The following TTN variants were observed in gnomAD, a reference collection of about 807,000 sequenced individuals.
The protein encoded by TTN is titin.
A neutral mutation model predicts 3,223.0 loss-of-function variants in TTN; 1,525 were observed. The ratio of observed to expected loss-of-function variants is 0.47; its 90% CI spans 0.45 to 0.49. The LOEUF (loss-of-function observed/expected upper bound fraction) is 0.49. Ranked by LOEUF, TTN falls within the 20% of genes least tolerant of loss-of-function variation. The probability of loss-of-function intolerance (pLI) is 0.00; values close to 1 mark genes in which losing one functional copy is unlikely to be tolerated. For missense variants in TTN, 40,786 were observed against 43,424.0 expected (o/e 0.94, Z 5.40); for synonymous variants, 14,094 against 15,161.0 (o/e 0.93, Z 5.17).
At chr2:178,799,423 C>A (rs1159492748) in intron 6 of TTN, 64 bp downstream of exon 6, 3 of 1,611,606 alleles carry the variant, frequency 1.9e-6, no homozygotes, top group African/African-American at 1.3e-5. Context: ...ACAAGGGAAT[C>A]TTTCTCGTTT....
At position 178,709,693 on chromosome 2, in the gene TTN, T is replaced by A. The variant is rs2154294417; in HGVS notation, c.28626A>T (p.Ile9542=). 1.9e-6 allele frequency: 3 copies of A among 1,613,948 alleles called. No homozygotes were observed. The highest frequency in any genetic ancestry group is 1.7e-6 in the Non-Finnish European group (2 of 1,179,838). The change falls in exon 99 of 363, where the codon ATA becomes ATT. Residue 9542 remains isoleucine, a synonymous_variant. Transcript: ENST00000589042. ...GCACTAACGTGTTGTTCTTGAATGT[T>A]ATTTCACAGTTAGAAGTTGGTTGTA... ...IEIQPTSNCE[I]TFKNNTLVLQ... is the part of the protein sequence containing the mutation.
chr2:178,671,895 T>C lies in TTN; in HGVS notation c.35227+76A>G, dbSNP rs568290104. 3.6e-4 allele frequency: 542 copies of C among 1,509,022 alleles called. 12 individuals are homozygous for C. The South Asian group carries it at 5.8e-3, about 16-fold the overall frequency. The allele number at this position is 1,509,022 out of a possible 1,614,324, so 93.5% of individuals were successfully genotyped here. A position where few individuals can be genotyped will look rare whatever the true frequency, so the allele number is the denominator to read the frequency against. Reference sequence around the variant, plus strand: ...TCATGGGGTTTCTAATCTTCCAAACTGAACACAAAATTTACTTTCAAAGGA... The same window carrying C: ...TCATGGGGTTTCTAATCTTCCAAACCGAACACAAAATTTACTTTCAAAGGA... On this transcript the variant is annotated intron_variant, in intron 155 of 362. Coordinates refer to ENST00000589042, the MANE Select transcript of TTN (RefSeq NM_001267550.2).
Position 178,528,287 on chromosome 2 carries a change from G to A in TTN, c.107364C>T (p.Ser35788=), listed in dbSNP as rs1057521273. ...NFRGQCSATA[S]LMVLPLVEEP... is the part of the protein sequence containing the mutation. ...GGAGATACTTACGAAGGACCATTAA[G>A]GAAGCTGTAGCTGAACACTGGCCAC... The change falls in exon 361 of 363, where the codon TCC becomes TCT. Residue 35788 remains serine (S), a synonymous_variant. Coordinates refer to ENST00000589042, the MANE Select transcript of TTN (RefSeq NM_001267550.2). 26 of 1,613,688 alleles carry A rather than the reference G, an allele frequency of 1.6e-5. No homozygotes were observed. In the Admixed American group the frequency reaches 4.2e-4, roughly 26 times the overall value.
rs1576125620 is a variant in TTN at position 178,592,587 on chromosome 2, A to G, written c.59418T>C (p.Leu19806=). The part of the protein sequence containing the change: ...QHIKVGDTLR[L]SAIIKGVPFP... ...ATGGCACTCCTTTGATGATGGCACTAAGTCTTAGAGTATCACCAACTTTAA... is the reference window on the plus strand; with the variant it reads ...ATGGCACTCCTTTGATGATGGCACTGAGTCTTAGAGTATCACCAACTTTAA... The change falls in exon 301 of 363, where the codon CTT becomes CTC. Residue 19806 remains leucine, a synonymous_variant. Coordinates refer to ENST00000589042, the MANE Select transcript of TTN (RefSeq NM_001267550.2). 1 of 1,613,408 alleles carries G rather than the reference A, an allele frequency of 6.2e-7. No individual in the cohort carries two copies. Among genetic ancestry groups the G allele is most frequent in the South Asian group, 1.1e-5 (1 of 91,072 alleles).
chr2:178,648,440 C>G (rs1290050337), intron 213 of TTN, among the ~76,000 whole-genome samples: 2 of 151,956 alleles, frequency 1.3e-5, no homozygotes, highest in East Asian at 3.9e-4. Context: ...GACAGAGGCT[C>G]ACTCTGTCAC....
chr2:178,735,633 A>C lies in TTN; in HGVS notation c.14813T>G (p.Phe4938Cys). 2 of 1,613,722 alleles carry C rather than the reference A, an allele frequency of 1.2e-6. No homozygotes were observed. The highest frequency in any genetic ancestry group is 1.7e-6 in the Non-Finnish European group (2 of 1,179,792). ...CTCAAGTGTTGCTATTTTATCTTCA[A>C]AACAGATCTTATAATCTTTCCCTGG... Reference protein sequence around the residue: ...LPPGKDYKICFEDKIATLEIP... With the variant: ...LPPGKDYKICCEDKIATLEIP... Residue 4938 changes from phenylalanine (F) to cysteine (C), a missense_variant, in exon 50 of 363, where the codon TTT (phenylalanine) becomes TGT (cysteine). Coordinates refer to ENST00000589042, the MANE Select transcript of TTN (RefSeq NM_001267550.2).
At chr2:178,784,921 C>T (rs576743288) in intron 15 of TTN, among the ~76,000 whole-genome samples, 4 of 152,262 alleles carry the variant, frequency 2.6e-5, no homozygotes, top group Admixed American at 6.5e-5. Context: ...TTATATGTAA[C>T]TTACAGTTCT....
Position 178,675,958 on chromosome 2 carries a change from C to T in TTN, c.34416G>A (p.Val11472=), listed in dbSNP as rs754009879. 2 of 1,607,560 alleles carry T rather than the reference C, an allele frequency of 1.2e-6. No homozygotes were observed. Among genetic ancestry groups the T allele is most frequent in the African/African-American group, 2.7e-5 (2 of 74,838 alleles). Residue 11472 remains valine (V), a synonymous_variant, in exon 148 of 363, where the codon GTG becomes GTA. Transcript: ENST00000589042. ...GAGCCTCCTCTTTCTTGGGAATGAC[C>T]ACTTTCTTCTCTGTCACTTTCTTCT... is the stretch of plus-strand genomic sequence containing the variant. ...EIKKKVTEKK[V]VIPKKEEAPP...
At position 178,569,733 on chromosome 2, in the gene TTN, C is replaced by T. The variant is rs758729188; in HGVS notation, c.76399G>A (p.Glu25467Lys). The change falls in exon 326 of 363, where the codon GAA (glutamate) becomes AAA (lysine). Residue 25467 changes from glutamate to lysine, a missense_variant. Coordinates refer to ENST00000589042, the MANE Select transcript of TTN (RefSeq NM_001267550.2). Reference protein sequence around the residue: ...PPTGINKTNIEVEKLLEKHEY... With the variant: ...PPTGINKTNIKVEKLLEKHEY... ...TGCTTTTCCAACAGCTTCTCTACTTCTATGTTTGTTTTATTAATTCCTGTT... is the reference window on the plus strand; with the variant it reads ...TGCTTTTCCAACAGCTTCTCTACTTTTATGTTTGTTTTATTAATTCCTGTT... 5.0e-6 allele frequency: 8 copies of T among 1,613,200 alleles called. No individual in the cohort carries two copies. In the South Asian group the frequency reaches 7.7e-5, roughly 16 times the overall value.
At position 178,552,787 on chromosome 2, in the gene TTN, G is replaced by A. The variant is rs1035231480; in HGVS notation, c.90113C>T (p.Ser30038Leu). 1.9e-6 allele frequency: 3 copies of A among 1,613,884 alleles called. No homozygotes were observed. The highest frequency in any genetic ancestry group is 2.5e-6 in the Non-Finnish European group (3 of 1,179,824). Residue 30038 changes from serine (S) to leucine (L), a missense_variant, in exon 335 of 363, where the codon TCA becomes TTA. Coordinates refer to ENST00000589042, the MANE Select transcript of TTN (RefSeq NM_001267550.2). ...AEVPAPIRDL[S>L]MKDSTKTSVI... ...AGATGTCTTTGTTGAGTCTTTCATTGAGAGATCACGTATAGGAGCTGGTAC... is the reference window on the plus strand; with the variant it reads ...AGATGTCTTTGTTGAGTCTTTCATTAAGAGATCACGTATAGGAGCTGGTAC...
At chr2:178,655,282 C>G (rs2154253351) in intron 189 of TTN, among the ~76,000 whole-genome samples, 1 of 138,692 alleles carries the variant, frequency 7.2e-6, no homozygotes, top group African/African-American at 3.0e-5. Context: ...TGGGACATAT[C>G]TCAAAATAAT....
rs1704949821 is a variant in TTN, at chr2:178,564,523, T to C, written c.81609A>G (p.Thr27203=). 1 of 1,612,938 alleles carries C rather than the reference T, an allele frequency of 6.2e-7. No individual in the cohort carries two copies. Among genetic ancestry groups the C allele is most frequent in the Non-Finnish European group, 8.5e-7 (1 of 1,179,424 alleles). Residue 27203 remains threonine (T), a synonymous_variant, in exon 326 of 363, where the codon ACA becomes ACG. Coordinates refer to ENST00000589042, the MANE Select transcript of TTN (RefSeq NM_001267550.2). ...GATCTTTCTTTTCTACAATATAACC[T>C]GTTATTTTGCTACCACCATCATAGG... ...KPAYDGGSKI[T]GYIVEKKDLP...
At chr2:178,753,320 A>ATGCCAAACAAAC (rs2086088545) in intron 46 of TTN, 140 bp from the exon 47 acceptor site, 7 of 635,770 alleles carry the variant, frequency 1.1e-5, no homozygotes, top group Non-Finnish European at 1.9e-5. Flanking sequence ...CAAAAAGTCC[A>ATGCCAAACAAAC]TGCCAAACAA....
chr2:178,639,662 A>G, intron 223 of TTN, 37 bp downstream of exon 223: 1 of 1,601,004 alleles, frequency 6.2e-7, no homozygotes, highest in Non-Finnish European at 8.5e-7. Context: ...TAAGTCACCA[A>G]AACAAACTAG....
In TTN at chr2:178,679,892, A is replaced by G. The variant is rs2068947331; in HGVS notation, c.33580+2T>C. On this transcript the variant is annotated splice_donor_variant, in intron 140 of 362. Coordinates refer to ENST00000589042, the MANE Select transcript of TTN (RefSeq NM_001267550.2). LOFTEE classifies it high-confidence loss of function. ...CAGCCCTTTGCAGGAGGCATCATCT[A>G]CCTTTGACTGGTATCACTGGCACCA... 4.3e-6 allele frequency: 7 copies of G among 1,612,826 alleles called. No individual in the cohort carries two copies. In the East Asian group the frequency reaches 1.3e-4, roughly 31 times the overall value.
intron 116 of TTN, 24 bp downstream of exon 116, chr2:178,694,805 T>G: frequency 6.5e-7 from 1 of 1,535,974 alleles, no homozygotes. Flanking sequence ...TGTACATGGG[T>G]GCTAGGAATG....
chr2:178,664,690 C>T lies in TTN; in HGVS notation c.36166G>A (p.Val12056Ile). The T allele has an allele frequency of 6.2e-7, 1 of 1,612,554 alleles. No homozygotes were observed. The change falls in exon 167 of 363, where the codon GTT becomes ATT. Residue 12056 changes from valine (V) to isoleucine (I), a missense_variant. Coordinates refer to ENST00000589042, the MANE Select transcript of TTN (RefSeq NM_001267550.2). ...AGGACTTCAGGCTTTCTGAGAGGAACCACAAGCGTTTTCTTTTCAGGGACA... is the reference window on the plus strand; with the variant it reads ...AGGACTTCAGGCTTTCTGAGAGGAATCACAAGCGTTTTCTTTTCAGGGACA... ...EIVPEKKTLV[V>I]PLRKPEVLPD...
rs201931674 is a variant in TTN, at chr2:178,538,813, C to T, written c.99016G>A (p.Glu33006Lys). 18 of 1,610,234 alleles carry T rather than the reference C, an allele frequency of 1.1e-5. No individual in the cohort carries two copies. The highest frequency in any genetic ancestry group is 1.4e-5 in the Non-Finnish European group (17 of 1,177,748). ...FDKPSQPGEL[E>K]ILSISKDSVT... ...CTATCTTTGGATATTGAAAGAATCT[C>T]AAGTTCTCCTGGTTGGCTTGGTTTA... The change falls in exon 354 of 363, where the codon GAG becomes AAG. Residue 33006 changes from glutamate to lysine, a missense_variant. By Grantham distance (56) the Glu-to-Lys change is moderately conservative (BLOSUM62 1). Transcript: ENST00000589042.
Position 178,779,984 on chromosome 2 carries a change from T to C in TTN, c.3729+16A>G. On this transcript the variant is annotated intron_variant, in intron 22 of 362. Coordinates refer to ENST00000589042, the MANE Select transcript of TTN (RefSeq NM_001267550.2). The stretch of plus-strand genomic sequence containing the variant: ...ATTTATGAAATTGTTTGGTTGGTCA[T>C]TACTTTTATACTCACCTGATCTTCT... 1 of 1,607,872 alleles carries C rather than the reference T, an allele frequency of 6.2e-7. No individual in the cohort carries two copies. Among genetic ancestry groups the C allele is most frequent in the Non-Finnish European group, 8.5e-7 (1 of 1,177,102 alleles).
Sources: gnomAD v4.1 joint callset for allele counts (sites outside exome capture counted in the v4.1 genomes callset) on GRCh38, gnomAD v4.1.1 for gene constraint, MANE v1.5 for transcripts, NCBI Gene and HGNC (gene_info 2026-07-23, HGNC 2026-07-21) for gene names.